Variants in CCND3 observed in about 807,000 individuals in gnomAD.
CCND3 encodes the protein cyclin D3, also known as G1/S-specific cyclin-D3.
CCND3 carries 9 observed loss-of-function variants against 28.7 expected under a neutral mutation model. The ratio of observed to expected loss-of-function variants is 0.31; its 90% CI spans 0.19 to 0.55. The LOEUF is 0.55. Ranked by LOEUF, CCND3 falls within the 20% of genes least tolerant of loss-of-function variation. The pLI, the probability that CCND3 is intolerant of heterozygous loss-of-function variation, is 0.93. For missense variants in CCND3, 315 were observed against 385.8 expected, an observed-to-expected ratio of 0.82 and a Z score of 1.54; for synonymous variants, 164 against 163.9, an observed-to-expected ratio of 1.00 and a Z score of 0.00.
chr6:41,989,464 A>G (rs1471771422), intron 1 of CCND3, among the ~76,000 whole-genome samples: 2 of 148,250 alleles, frequency 1.3e-5, no homozygotes, highest in East Asian at 3.9e-4. Flanking sequence ...CAAAAAAAAA[A>G]AACAAAAAAA....
At chr6:41,946,595 CAAAAA>C (rs35369019), upstream of CCND3, among the ~76,000 whole-genome samples, 8 of 20,928 alleles carry the variant, frequency 3.8e-4, no homozygotes, top group Non-Finnish European at 5.8e-4. Context: ...AGACCTGTCT[CAAAAA>C]AAAAAAAAAA....
chr6:41,995,220 C>T (rs1050128653), intron 1 of CCND3, among the ~76,000 whole-genome samples: 11 of 152,094 alleles, frequency 7.2e-5, no homozygotes, highest in African/African-American at 2.7e-4. Context: ...GCTATATAAA[C>T]TACATCCCAC....
chr6:42,025,270 G>C (rs1763841391), intron 1 of CCND3, among the ~76,000 whole-genome samples: 1 of 152,152 alleles, frequency 6.6e-6, no homozygotes, highest in Non-Finnish European at 1.5e-5. Flanking sequence ...AGGCCAAGAG[G>C]GGCCCAGGAA....
At chr6:41,946,713 T>C (rs1005293092), upstream of CCND3, among the ~76,000 whole-genome samples, 6 of 152,076 alleles carry the variant, frequency 3.9e-5, no homozygotes, top group African/African-American at 1.2e-4. Context: ...GTCACTATTA[T>C]GAGCATCTGT....
intron 1 of CCND3, among the ~76,000 whole-genome samples, chr6:41,997,752 G>T (rs1295962332): frequency 6.6e-6 from 1 of 151,964 alleles, no homozygotes; most frequent in East Asian, 1.9e-4. Context: ...TGAGAATCTG[G>T]CTGGATGTGC....
rs763116221 is a variant in CCND3 at position 41,937,258 on chromosome 6, G to T, written c.551C>A (p.Thr184Asn). 3.0e-5 allele frequency: 48 copies of T among 1,614,070 alleles called. No homozygotes were observed. The highest frequency in any genetic ancestry group is 4.4e-5 in the South Asian group (4 of 91,088). The change falls in exon 3 of 5, where the codon ACC (threonine) becomes AAC (asparagine). Residue 184 changes from threonine to asparagine, a missense_variant. Thr to Asn is a moderately conservative substitution (Grantham distance 65). Transcript: ENST00000372991. ...ACCTGTAGCACAGAGGGCCAAAAAG[G>T]TCTGGGCATGCTTTTTGACCAAGGC... ...RQALVKKHAQ[T>N]FLALCATDYT...
chr6:41,943,303 TTAATA>T (rs1776090419), upstream of CCND3, among the ~76,000 whole-genome samples: 1 of 152,222 alleles, frequency 6.6e-6, no homozygotes, highest in Non-Finnish European at 1.5e-5. Context: ...AAATAACCCT[TTAATA>T]TATCAATGTT....
At position 41,936,844 on chromosome 6, in the gene CCND3, A is replaced by C; in HGVS notation, c.575-149T>G. 1 of 721,760 alleles carries C rather than the reference A, an allele frequency of 1.4e-6. No individual in the cohort carries two copies. Among genetic ancestry groups the C allele is most frequent in the Non-Finnish European group, 2.3e-6 (1 of 437,960 alleles). The allele number at this position is 721,760 out of a possible 1,614,324, so 44.7% of individuals were successfully genotyped here. ...CCAGCAGTGGGTGGGGCAAGATATC[A>C]GCAAGGGAGGAAGACAGGAAAGAGT... On this transcript the variant is annotated intron_variant, in intron 3 of 4. Coordinates refer to ENST00000372991, the MANE Select transcript of CCND3 (RefSeq NM_001760.5). This position sits in a 1 kb window ranked among gnomAD's most constrained non-coding sequence, Gnocchi z 4.4.
chr6:42,020,782 G>A (rs1020247629), intron 1 of CCND3, among the ~76,000 whole-genome samples: 1 of 152,042 alleles, frequency 6.6e-6, no homozygotes, highest in African/African-American at 2.4e-5. Context: ...ACGGAGTTTC[G>A]CTCTTATTGC....
At chr6:41,945,643 C>T (rs952158332), upstream of CCND3, among the ~76,000 whole-genome samples, 13 of 152,258 alleles carry the variant, frequency 8.5e-5, no homozygotes, top group African/African-American at 2.9e-4. Flanking sequence ...GAGAGCCAAG[C>T]GAGCCATGGG....
chr6:41,988,356 C>A (rs1423168668), intron 1 of CCND3, among the ~76,000 whole-genome samples: 4 of 152,064 alleles, frequency 2.6e-5, no homozygotes. Context: ...CTCATTCTTA[C>A]AGCCGCTCAC....
intron 1 of CCND3, among the ~76,000 whole-genome samples, chr6:41,965,684 T>A (rs1761867961): frequency 6.6e-6 from 1 of 151,986 alleles, no homozygotes; most frequent in East Asian, 1.9e-4. Flanking sequence ...TAATACCAGA[T>A]CACAATGCTG....
Position 41,936,150 on chromosome 6 carries a change from T to G in CCND3, c.712-43A>C, listed in dbSNP as rs1273247785. 1.3e-6 allele frequency: 2 copies of G among 1,526,936 alleles called. No individual in the cohort carries two copies. The highest frequency in any genetic ancestry group is 4.2e-5 in the Admixed American group (2 of 48,182). The allele number at this position is 1,526,936 out of a possible 1,614,324, so 94.6% of individuals were successfully genotyped here. A position where few individuals can be genotyped will look rare whatever the true frequency, so the allele number is the denominator to read the frequency against. On this transcript the variant is annotated intron_variant, in intron 4 of 4. Coordinates refer to ENST00000372991, the MANE Select transcript of CCND3 (RefSeq NM_001760.5). This position sits in a 1 kb window ranked among gnomAD's most constrained non-coding sequence, Gnocchi z 4.4. ...GAGTGAGGAGCAAACACTCCCCCCA[T>G]AGCATCTGGCAGCAGGTGCAGGGGA...
chr6:42,026,140 T>C (rs1172502086), intron 1 of CCND3, among the ~76,000 whole-genome samples: 1 of 152,116 alleles, frequency 6.6e-6, no homozygotes, highest in Non-Finnish European at 1.5e-5. Context: ...AAACCTCTTT[T>C]TCCCCTATTT....
chr6:41,971,104 G>A lies in CCND3; in HGVS notation c.-45-30519C>T, dbSNP rs1762022371. Among the ~76,000 whole-genome samples, 3 of 152,012 alleles carry A rather than the reference G, an allele frequency of 2.0e-5. No individual in the cohort carries two copies. The South Asian group carries it at 6.2e-4, about 31-fold the overall frequency. On this transcript the variant is annotated intron_variant, in intron 1 of 4. Transcript: ENST00000372988. ...AGCTAATTTTCGTATTTTTAGTAAA[G>A]ACGGGGTTTCACCATGTTGGCCAGG...
intron 1 of CCND3, among the ~76,000 whole-genome samples, chr6:41,949,006 G>A (rs1776239047): frequency 6.6e-6 from 1 of 152,232 alleles, no homozygotes; most frequent in Admixed American, 6.5e-5. Flanking sequence ...TCAGACTTTT[G>A]CTACACCATA....
chr6:41,988,361 G>A (rs1209824713), intron 1 of CCND3, among the ~76,000 whole-genome samples: 3 of 151,976 alleles, frequency 2.0e-5, no homozygotes, highest in East Asian at 1.9e-4. Context: ...TCTTACAGCC[G>A]CTCACCATCT....
chr6:41,998,024 C>T (rs1043011409), intron 1 of CCND3, among the ~76,000 whole-genome samples: 1 of 150,856 alleles, frequency 6.6e-6, no homozygotes, highest in Non-Finnish European at 1.5e-5. Flanking sequence ...GGCGTGGTGG[C>T]GCTCCTGTAA....
intron 1 of CCND3, among the ~76,000 whole-genome samples, chr6:42,028,972 T>TTTTG (rs1763966000): frequency 6.1e-5 from 4 of 65,276 alleles, no homozygotes; most frequent in Admixed American, 5.4e-4. Flanking sequence ...CTTGAAACGG[T>TTTTG]TTTTTTTTTT....
Sources: gnomAD v4.1 joint callset for allele counts (sites outside exome capture counted in the v4.1 genomes callset) on GRCh38, gnomAD v4.1.1 for gene constraint, Gnocchi (gnomAD v3.1) non-coding constraint, MANE v1.5 for transcripts, NCBI Gene and HGNC (gene_info 2026-07-23, HGNC 2026-07-21) for gene names.